ZFHX3: variants seen among roughly 807,000 people sequenced by gnomAD.
ZFHX3 encodes zinc finger homeobox 3, also known as zinc finger homeobox protein 3.
Under a neutral mutation model 279.1 loss-of-function variants are expected in ZFHX3, and 42 were observed. The ratio of observed to expected loss-of-function variants is 0.15; its 90% CI spans 0.12 to 0.19. The LOEUF (loss-of-function observed/expected upper bound fraction) is 0.19. ZFHX3 is among the 10% of genes least tolerant of loss of function. ZFHX3 has a pLI of 1.00. For synonymous variants in ZFHX3, 2,293 were observed against 1,957.8 expected (o/e 1.17, Z -4.52); for missense variants, 4,981 against 4,754.0 (o/e 1.05, Z -1.40).
At chr16:73,017,057 C>T (rs972651284) in intron 1 of ZFHX3, among the ~76,000 whole-genome samples, 20 of 151,940 alleles carry the variant, frequency 1.3e-4, no homozygotes, top group Non-Finnish European at 2.4e-4. Context: ...AAGACCTCAT[C>T]TCTACAAAAA....
At chr16:73,847,119 T>C (rs1156723764) in intron 1 of ZFHX3, among the ~76,000 whole-genome samples, 2 of 151,970 alleles carry the variant, frequency 1.3e-5, no homozygotes, top group South Asian at 2.1e-4. Flanking sequence ...CTGACCAACA[T>C]GGTGAAACCC....
intron 2 of ZFHX3, among the ~76,000 whole-genome samples, chr16:73,662,020 T>TC (rs60320463): frequency 1.3e-5 from 2 of 151,354 alleles, no homozygotes; most frequent in African/African-American, 4.9e-5. Context: ...TTTTTTTTTT[T>TC]AAGAAAGAAT....
At chr16:73,682,907 AGAAAGAAAGAGAGAAAG>A (rs2053031750) in intron 1 of ZFHX3, among the ~76,000 whole-genome samples, 1 of 15,108 alleles carries the variant, frequency 6.6e-5, no homozygotes, top group African/African-American at 1.7e-4. Context: ...AGAAAGAAAG[AGAAAGAAAGAGAGAAAG>A]AGAAAGAAAG....
chr16:73,393,558 C>T (rs1200192404), intron 3 of ZFHX3, among the ~76,000 whole-genome samples: 2 of 152,288 alleles, frequency 1.3e-5, no homozygotes, highest in East Asian at 1.9e-4. Context: ...ACTTCAAAGT[C>T]GCTGGCGAGA....
At chr16:73,719,300 C>A (rs1364116234) in intron 1 of ZFHX3, among the ~76,000 whole-genome samples, 1 of 152,116 alleles carries the variant, frequency 6.6e-6, no homozygotes, top group East Asian at 1.9e-4. Context: ...GCAGTGAGAT[C>A]AGGCTGCTGT....
chr16:73,404,627 C>G (rs972750564), intron 3 of ZFHX3, among the ~76,000 whole-genome samples: 1 of 152,204 alleles, frequency 6.6e-6, no homozygotes. Flanking sequence ...TACTTCACAT[C>G]TTATACATGT....
chr16:73,748,681 A>T (rs1427625550), intron 1 of ZFHX3, among the ~76,000 whole-genome samples: 2 of 152,162 alleles, frequency 1.3e-5, no homozygotes, highest in Admixed American at 6.5e-5. Flanking sequence ...CTAAAATCAG[A>T]TTATATCACT....
At chr16:73,287,116 G>T (rs1271213700) in intron 4 of ZFHX3, among the ~76,000 whole-genome samples, 1 of 150,636 alleles carries the variant, frequency 6.6e-6, no homozygotes, top group Non-Finnish European at 1.5e-5. Context: ...GTGAGTGTGG[G>T]TCAGCGTGTC....
At chr16:73,248,803 T>C (rs2013390058) in intron 5 of ZFHX3, among the ~76,000 whole-genome samples, 2 of 152,158 alleles carry the variant, frequency 1.3e-5, no homozygotes, top group South Asian at 2.1e-4. Context: ...GATCCTTATA[T>C]TGAAGTTTTT....
At chr16:73,054,470 G>A (rs1965510110) in intron 1 of ZFHX3, among the ~76,000 whole-genome samples, 1 of 118,176 alleles carries the variant, frequency 8.5e-6, no homozygotes, top group South Asian at 2.8e-4. Flanking sequence ...TTTTTTTTTA[G>A]GAAATCCACA....
intron 3 of ZFHX3, among the ~76,000 whole-genome samples, chr16:72,938,033 C>T (rs191117960): frequency 1.1e-4 from 17 of 152,364 alleles, no homozygotes; most frequent in Admixed American, 1.1e-3. Flanking sequence ...AAACTGAAGG[C>T]AATCCAGGTC....
intron 3 of ZFHX3, among the ~76,000 whole-genome samples, chr16:73,324,627 G>A (rs1302939085): frequency 6.6e-6 from 1 of 152,306 alleles, no homozygotes; most frequent in South Asian, 2.1e-4. Context: ...AATGGGTGTG[G>A]CACCAGCCAC....
chr16:73,752,033 G>A (rs328339), intron 1 of ZFHX3, among the ~76,000 whole-genome samples: 10,171 of 152,208 alleles, frequency 0.067, 434 homozygotes, highest in African/African-American at 0.11. Context: ...AAACTCCAGG[G>A]CACAGGCCTG....
chr16:73,767,451 G>C (rs1158382019), intron 1 of ZFHX3, among the ~76,000 whole-genome samples: 1 of 152,160 alleles, frequency 6.6e-6, no homozygotes, highest in Non-Finnish European at 1.5e-5. Flanking sequence ...TACTACATGA[G>C]AATTATAAGA....
At chr16:73,166,141 G>T (rs1021996892) in intron 5 of ZFHX3, among the ~76,000 whole-genome samples, 1 of 152,194 alleles carries the variant, frequency 6.6e-6, no homozygotes, top group Non-Finnish European at 1.5e-5. Context: ...ATTCACTCCT[G>T]TGTAGCAGAT....
chr16:73,108,833 T>G (rs1303510087), intron 7 of ZFHX3, among the ~76,000 whole-genome samples: 1 of 152,252 alleles, frequency 6.6e-6, no homozygotes, highest in African/African-American at 2.4e-5. Context: ...AAACACTCCC[T>G]TCATTGGAAC....
intron 5 of ZFHX3, among the ~76,000 whole-genome samples, chr16:73,254,138 T>TG: frequency 6.6e-6 from 1 of 152,150 alleles, no homozygotes; most frequent in Non-Finnish European, 1.5e-5. Context: ...CCCAACCCTG[T>TG]GGGACTCCTC....
chr16:73,564,938 G>A (rs1318920276), intron 2 of ZFHX3, among the ~76,000 whole-genome samples: 1 of 152,146 alleles, frequency 6.6e-6, no homozygotes, highest in Non-Finnish European at 1.5e-5. Context: ...CCTCTAAGTC[G>A]TCATGCTTTC....
At chr16:73,723,919 T>C (rs559985306) in intron 1 of ZFHX3, among the ~76,000 whole-genome samples, 21 of 152,330 alleles carry the variant, frequency 1.4e-4, no homozygotes, top group African/African-American at 4.8e-4. Context: ...AAACAATCTA[T>C]ACTATTATCA....
Sources: gnomAD v4.1 joint callset for allele counts (sites outside exome capture counted in the v4.1 genomes callset) on GRCh38, gnomAD v4.1.1 for gene constraint, MANE v1.5 for transcripts, NCBI Gene and HGNC (gene_info 2026-07-23, HGNC 2026-07-21) for gene names.